CFAP95: variants seen among roughly 807,000 people sequenced by gnomAD.
CFAP95 encodes the protein cilia and flagella associated protein 95.
At chr9:69,858,996 GGTT>G in the CFAP95 span, among the ~76,000 whole-genome samples, 11 of 152,268 alleles carry the variant, frequency 7.2e-5, no homozygotes, top group African/African-American at 2.2e-4. Flanking sequence ...TGCATTGTGG[GGTT>G]GTTGTGAAGA....
chr9:69,904,876 C>A, the CFAP95 span, among the ~76,000 whole-genome samples: 2 of 152,180 alleles, frequency 1.3e-5, no homozygotes, highest in African/African-American at 4.8e-5. Flanking sequence ...TTATTTTCAT[C>A]TCTTAATTGA....
chr9:69,881,747 C>T, the CFAP95 span, among the ~76,000 whole-genome samples: 860 of 152,184 alleles, frequency 5.7e-3, 13 homozygotes, highest in African/African-American at 0.02. Flanking sequence ...CTGTAGATTG[C>T]TCTGGGTAAT....
chr9:69,905,560 C>G, the CFAP95 span, among the ~76,000 whole-genome samples: 1 of 152,154 alleles, frequency 6.6e-6, no homozygotes, highest in South Asian at 2.1e-4. Context: ...AAAGATATAA[C>G]CCAAGATATT....
the CFAP95 span, among the ~76,000 whole-genome samples, chr9:69,859,344 C>CT: frequency 1.2e-3 from 185 of 150,810 alleles, 1 homozygote; most frequent in African/African-American, 4.1e-3. Context: ...TTTATAGGAT[C>CT]TTTTTTTTTG....
At chr9:69,883,469 A>C in the CFAP95 span, among the ~76,000 whole-genome samples, 46 of 152,182 alleles carry the variant, frequency 3.0e-4, 2 homozygotes, top group Admixed American at 2.8e-3. Flanking sequence ...TGCTGACCTT[A>C]GCCATTAGGC....
the CFAP95 span, among the ~76,000 whole-genome samples, chr9:69,881,157 T>C: frequency 6.6e-6 from 1 of 152,174 alleles, no homozygotes; most frequent in Non-Finnish European, 1.5e-5. Flanking sequence ...ATGCAGAAGA[T>C]TTTTAACTTG....
the CFAP95 span, among the ~76,000 whole-genome samples, chr9:69,900,508 A>T: frequency 6.6e-6 from 1 of 152,168 alleles, no homozygotes; most frequent in African/African-American, 2.4e-5. Context: ...CTTTATAGAC[A>T]TTGTAACTGG....
At chr9:69,826,242 T>C in the CFAP95 span, among the ~76,000 whole-genome samples, 1 of 152,200 alleles carries the variant, frequency 6.6e-6, no homozygotes, top group Non-Finnish European at 1.5e-5. Context: ...TACTTCACAT[T>C]CACAGAAGCA....
At chr9:69,877,220 A>G in the CFAP95 span, among the ~76,000 whole-genome samples, 1 of 152,208 alleles carries the variant, frequency 6.6e-6, no homozygotes, top group East Asian at 1.9e-4. Context: ...GGCCATTTCC[A>G]TCATACACCA....
chr9:69,848,519 T>G, the CFAP95 span, among the ~76,000 whole-genome samples: 9 of 152,272 alleles, frequency 5.9e-5, no homozygotes, highest in Middle Eastern at 3.4e-3. Context: ...CATTCACCAG[T>G]GCCAGAGAGG....
chr9:69,866,734 T>C, the CFAP95 span, among the ~76,000 whole-genome samples: 1 of 152,362 alleles, frequency 6.6e-6, no homozygotes, highest in Non-Finnish European at 1.5e-5. Context: ...AAATTAGCCA[T>C]GACAAGCACT....
the CFAP95 span, among the ~76,000 whole-genome samples, chr9:69,898,230 TTCTTCAGCCTCCCTCCC>T: frequency 3.3e-5 from 5 of 152,172 alleles, no homozygotes; most frequent in Non-Finnish European, 7.3e-5. Context: ...TACCACCACA[TTCTTCAGCCTCCCTCCC>T]TCTTCAGAGC....
chr9:69,861,232 C>A, the CFAP95 span, among the ~76,000 whole-genome samples: 1 of 152,078 alleles, frequency 6.6e-6, no homozygotes, highest in Non-Finnish European at 1.5e-5. Flanking sequence ...CCATTATAAT[C>A]GTATGGAGTC....
the CFAP95 span, among the ~76,000 whole-genome samples, chr9:69,846,148 T>C: frequency 6.6e-6 from 1 of 152,238 alleles, no homozygotes; most frequent in African/African-American, 2.4e-5. Context: ...AAAGAACTTT[T>C]GGTCCTTAAA....
chr9:69,821,148 G>A, the CFAP95 span: 1 of 1,153,854 alleles, frequency 8.7e-7, no homozygotes, highest in Non-Finnish European at 1.2e-6. Flanking sequence ...AGACGACAGA[G>A]GAAACGGAAA....
At chr9:69,854,563 T>TA in the CFAP95 span, among the ~76,000 whole-genome samples, 1 of 152,214 alleles carries the variant, frequency 6.6e-6, no homozygotes, top group East Asian at 1.9e-4. Flanking sequence ...TTCCCTTTTT[T>TA]AAAACAGAAA....
chr9:69,876,472 G>T, the CFAP95 span, among the ~76,000 whole-genome samples: 15 of 152,028 alleles, frequency 9.9e-5, no homozygotes, highest in South Asian at 1.9e-3. Context: ...GGCAGAGGTT[G>T]CAGTGAGCCA....
At chr9:69,859,587 T>C in the CFAP95 span, among the ~76,000 whole-genome samples, 1 of 152,190 alleles carries the variant, frequency 6.6e-6, no homozygotes, top group Non-Finnish European at 1.5e-5. Context: ...GCTCCGAGCC[T>C]GTGAGTGAGG....
At chr9:69,898,265 A>C in the CFAP95 span, among the ~76,000 whole-genome samples, 1 of 152,064 alleles carries the variant, frequency 6.6e-6, no homozygotes, top group Non-Finnish European at 1.5e-5. Context: ...AGCCTATGAC[A>C]TTGCAACACT....
Sources: gnomAD v4.1 joint callset for allele counts (sites outside exome capture counted in the v4.1 genomes callset) on GRCh38, gnomAD v4.1.1 for gene constraint, MANE v1.5 for transcripts, NCBI Gene and HGNC (gene_info 2026-07-23, HGNC 2026-07-21) for gene names.